The following MMACHC variants were observed in gnomAD, a reference collection of about 807,000 sequenced individuals.
MMACHC encodes the protein metabolism of cobalamin associated C, also known as cyanocobalamin reductase / alkylcobalamin dealkylase.
Under a neutral mutation model 17.6 loss-of-function variants are expected in MMACHC, and 14 were observed. The ratio of observed to expected loss-of-function variants is 0.80; its 90% CI spans 0.53 to 1.25. MMACHC has a LOEUF of 1.25. MMACHC is among the 50% of genes most tolerant of loss of function. The pLI is 0.00. For missense variants in MMACHC, 392 were observed against 364.5 expected, an observed-to-expected ratio of 1.08 and a Z score of -0.62; for synonymous variants, 151 against 142.1, an observed-to-expected ratio of 1.06 and a Z score of -0.45.
chr1:45,511,124 C>G lies in MMACHC; in HGVS notation c.*1909C>G. The stretch of plus-strand genomic sequence containing the variant: ...ACTAATACATCATACAAACCAGTAG[C>G]CTGCCCACAACGCCAACTCAGGCCA... On this transcript the variant is annotated 3_prime_UTR_variant, in exon 4 of 4. Coordinates refer to ENST00000401061, the MANE Select transcript of MMACHC (RefSeq NM_015506.3). 4.0e-6 allele frequency: 2 copies of G among 501,106 alleles called. No homozygotes were observed. Among genetic ancestry groups the G allele is most frequent in the Non-Finnish European group, 7.1e-6 (2 of 283,128 alleles). 31.0% of individuals were successfully genotyped at this position (501,106 alleles called of 1,614,324 possible). A position where few individuals can be genotyped will look rare whatever the true frequency, so the allele number is the denominator to read the frequency against.
intron 3 of MMACHC, 130 bp downstream of exon 3, chr1:45,508,494 G>C: frequency 8.8e-7 from 1 of 1,135,482 alleles, no homozygotes. Context: ...GTTCTGGATG[G>C]GAGGCAGTCC....
chr1:45,508,326 C>G lies in MMACHC; in HGVS notation c.391C>G (p.Gln131Glu). 6.2e-7 allele frequency: 1 copy of G among 1,614,190 alleles called. No homozygotes were observed. Among genetic ancestry groups the G allele is most frequent in the South Asian group, 1.1e-5 (1 of 91,072 alleles). The change falls in exon 3 of 4, where the codon CAA becomes GAA. Residue 131 changes from glutamine to glutamate, a missense_variant. By Grantham distance (29) the Gln-to-Glu change is conservative. Transcript: ENST00000401061. ...AHVAGAAYYY[Q>E]RQDVEADPWG... ...TGTAGCTGGGGCTGCTTACTACTAC[C>G]AACGACAAGATGTGGAGGCTGACCC...
In MMACHC at chr1:45,512,281, A is replaced by G. The variant is rs144613694; in HGVS notation, c.*3066A>G. On this transcript the variant is annotated 3_prime_UTR_variant, in exon 4 of 4. Coordinates refer to ENST00000401061, the MANE Select transcript of MMACHC (RefSeq NM_015506.3). ...TTGAGACAGTCTCACATTGTCGCCC[A>G]GGCTGGAGTGCAGTGGCGCGATCTC... 4.6e-4 allele frequency: 69 copies of G among 151,058 alleles called. 1 individual carries two copies. The East Asian group carries it at 0.013, about 29-fold the overall frequency. The allele number at this position is 151,058 out of a possible 1,614,324, so 9.4% of individuals were successfully genotyped here.
In MMACHC at chr1:45,508,867, A is replaced by C. The variant is rs1366306237; in HGVS notation, c.501A>C (p.Pro167=). The C allele has an allele frequency of 4.3e-6, 7 of 1,614,048 alleles. No individual in the cohort carries two copies. The African/African-American group carries it at 8.0e-5, about 18-fold the overall frequency. ...WFAIRGVVLL[P]GIEVPDLPPR... ...CCATCCGAGGGGTAGTGCTGCTGCC[A>C]GGGATAGAGGTGCCAGATCTGCCAC... The change falls in exon 4 of 4, where the codon CCA becomes CCC. Residue 167 remains proline, a synonymous_variant. Transcript: ENST00000401061.
rs1643704940 is a variant in MMACHC, at chr1:45,509,784, C to T, written c.*569C>T. On this transcript the variant is annotated 3_prime_UTR_variant, in exon 4 of 4. Transcript: ENST00000401061. ...ACAGGGCCTAAGGGGCAAATATCCT[C>T]TAAAGAGTACCTACCAGCAGGGTGT... The T allele has an allele frequency of 6.6e-6, 1 of 152,596 alleles. No homozygotes were observed. The highest frequency in any genetic ancestry group is 1.5e-5 in the Non-Finnish European group (1 of 68,668). 9.5% of individuals were successfully genotyped at this position (152,596 alleles called of 1,614,324 possible). A position where few individuals can be genotyped will look rare whatever the true frequency, so the allele number is the denominator to read the frequency against.
In MMACHC at chr1:45,507,375, TCTTGCCTC is replaced by T; in HGVS notation, c.103_110del (p.Leu35SerfsTer23). On this transcript the variant is annotated frameshift_variant, in exon 2 of 4. Transcript: ENST00000401061. LOFTEE classifies it high-confidence loss of function. ...TTTCAGGTGGCATGGTACAATGAAC[TCTTGCCTC>T]CAGCCTTCCACCTACCGCTGCCAGG... 6.2e-7 allele frequency: 1 copy of T among 1,614,122 alleles called. No individual in the cohort carries two copies.
At chr1:45,503,291 G>A (rs962838829) in intron 1 of MMACHC, among the ~76,000 whole-genome samples, 9 of 152,028 alleles carry the variant, frequency 5.9e-5, no homozygotes, top group Non-Finnish European at 8.8e-5. Context: ...CCGGCTACTC[G>A]GGAGGCTGAA....
chr1:45,511,712 G>A lies in MMACHC; in HGVS notation c.*2497G>A, dbSNP rs1240875641. 2 of 233,036 alleles carry A rather than the reference G, an allele frequency of 8.6e-6. No homozygotes were observed. The highest frequency in any genetic ancestry group is 1.7e-5 in the Non-Finnish European group (2 of 121,066). The allele number at this position is 233,036 out of a possible 1,614,324, so 14.4% of individuals were successfully genotyped here. A position where few individuals can be genotyped will look rare whatever the true frequency, so the allele number is the denominator to read the frequency against. ...GCCAACACTCTCTAATCCTTAAGGG[G>A]AAAAAAAAGCTAAATAAACGACACA... On this transcript the variant is annotated 3_prime_UTR_variant, in exon 4 of 4. Transcript: ENST00000401061.
Position 45,511,698 on chromosome 1 carries a change from C to A in MMACHC, c.*2483C>A. 1 of 274,764 alleles carries A rather than the reference C, an allele frequency of 3.6e-6. No homozygotes were observed. Among genetic ancestry groups the A allele is most frequent in the Non-Finnish European group, 6.8e-6 (1 of 147,306 alleles). 17.0% of individuals were successfully genotyped at this position (274,764 alleles called of 1,614,324 possible). A position where few individuals can be genotyped will look rare whatever the true frequency, so the allele number is the denominator to read the frequency against. ...AGTTTAAATAATTTGCCAACACTCT[C>A]TAATCCTTAAGGGGAAAAAAAAGCT... On this transcript the variant is annotated 3_prime_UTR_variant, in exon 4 of 4. Transcript: ENST00000401061.
In MMACHC at chr1:45,509,663, T is replaced by C. The variant is rs1479146044; in HGVS notation, c.*448T>C. On this transcript the variant is annotated 3_prime_UTR_variant, in exon 4 of 4. Transcript: ENST00000401061. ...TCCTGACCTCGTGATCCACCCATCT[T>C]GGCCTCCCAAAGTCCTGGGATTACA... 6 of 164,942 alleles carry C rather than the reference T, an allele frequency of 3.6e-5. No individual in the cohort carries two copies. The highest frequency in any genetic ancestry group is 7.8e-5 in the Non-Finnish European group (6 of 76,662). The allele number at this position is 164,942 out of a possible 1,614,324, so 10.2% of individuals were successfully genotyped here. A position where few individuals can be genotyped will look rare whatever the true frequency, so the allele number is the denominator to read the frequency against.
intron 1 of MMACHC, among the ~76,000 whole-genome samples, chr1:45,504,625 TGAG>T (rs1643589622): frequency 6.6e-6 from 1 of 151,952 alleles, no homozygotes; most frequent in Non-Finnish European, 1.5e-5. Flanking sequence ...CTCGGGAAGC[TGAG>T]GAGGGATGAT....
Position 45,509,142 on chromosome 1 carries a change from A to G in MMACHC, c.776A>G (p.Lys259Arg). ...DLPFTTPAPK[K>R]PGNPSRARSW... ...CCCTTTACCACACCCGCCCCCAAGA[A>G]GCCTGGGAATCCCAGCAGAGCCCGG... The change falls in exon 4 of 4, where the codon AAG becomes AGG. Residue 259 changes from lysine to arginine, a missense_variant. Physicochemically the swap from Lys to Arg is conservative, Grantham distance 26. Coordinates refer to ENST00000401061, the MANE Select transcript of MMACHC (RefSeq NM_015506.3). The G allele has an allele frequency of 6.2e-7, 1 of 1,613,172 alleles. No individual in the cohort carries two copies. Among genetic ancestry groups the G allele is most frequent in the Non-Finnish European group, 8.5e-7 (1 of 1,179,696 alleles).
rs944633221 is a variant in MMACHC at position 45,511,186 on chromosome 1, C to A, written c.*1971C>A. The stretch of plus-strand genomic sequence containing the variant: ...GGAAGAAAGGCTGGTCTCTCCACCC[C>A]CTGTAGGAAAGGCCTGCCTTGTAAG... On this transcript the variant is annotated 3_prime_UTR_variant, in exon 4 of 4. Coordinates refer to ENST00000401061, the MANE Select transcript of MMACHC (RefSeq NM_015506.3). The A allele has an allele frequency of 1.3e-5, 9 of 693,912 alleles. No individual in the cohort carries two copies. Among genetic ancestry groups the A allele is most frequent in the Admixed American group, 5.2e-5 (2 of 38,448 alleles). 43.0% of individuals were successfully genotyped at this position (693,912 alleles called of 1,614,324 possible). A position where few individuals can be genotyped will look rare whatever the true frequency, so the allele number is the denominator to read the frequency against.
Position 45,511,236 on chromosome 1 carries a change from A to C in MMACHC, c.*2021A>C. The C allele has an allele frequency of 9.4e-7, 1 of 1,067,176 alleles. No homozygotes were observed. The highest frequency in any genetic ancestry group is 1.4e-6 in the Non-Finnish European group (1 of 732,108). 66.1% of individuals were successfully genotyped at this position (1,067,176 alleles called of 1,614,324 possible). ...GACACCACAATTCGGCTGAATCTGA[A>C]GTCTTGTGTTTTACTAATGGAAAAA... On this transcript the variant is annotated 3_prime_UTR_variant, in exon 4 of 4. Coordinates refer to ENST00000401061, the MANE Select transcript of MMACHC (RefSeq NM_015506.3).
Position 45,511,452 on chromosome 1 carries a change from A to C in MMACHC, c.*2237A>C, listed in dbSNP as rs773972886. 3.0e-5 allele frequency: 47 copies of C among 1,544,394 alleles called. No homozygotes were observed. The highest frequency in any genetic ancestry group is 3.9e-5 in the Non-Finnish European group (44 of 1,121,200). ...GGCACCACTAATTAATAACCTTCTCAATGGTATGCACCACCATTCTCCTAT... is the reference window on the plus strand; with the variant it reads ...GGCACCACTAATTAATAACCTTCTCCATGGTATGCACCACCATTCTCCTAT... On this transcript the variant is annotated 3_prime_UTR_variant, in exon 4 of 4. Coordinates refer to ENST00000401061, the MANE Select transcript of MMACHC (RefSeq NM_015506.3).
intron 1 of MMACHC, among the ~76,000 whole-genome samples, chr1:45,503,880 A>C (rs1305077798): frequency 6.6e-6 from 1 of 152,204 alleles, no homozygotes; most frequent in African/African-American, 2.4e-5. Context: ...AGAAACCTCC[A>C]CAACTACGTG....
At chr1:45,503,431 C>CTTTTTT (rs10607418) in intron 1 of MMACHC, among the ~76,000 whole-genome samples, 1 of 77,032 alleles carries the variant, frequency 1.3e-5, no homozygotes, top group African/African-American at 5.8e-5. Flanking sequence ...TAACTCTCTG[C>CTTTTTT]TTTTTTTTTT....
chr1:45,507,592 C>A, intron 2 of MMACHC, 42 bp downstream of exon 2: 1 of 1,605,148 alleles, frequency 6.2e-7, no homozygotes, highest in Non-Finnish European at 8.5e-7. Flanking sequence ...AAACCTACAG[C>A]TGCCTCCAGT....
chr1:45,500,436 T>C (rs1032379111), intron 1 of MMACHC, 23 bp downstream of exon 1: 2 of 1,612,038 alleles, frequency 1.2e-6, no homozygotes, highest in Admixed American at 1.7e-5. Flanking sequence ...CTCCTGCTGT[T>C]CTAGGGCGAA....
Sources: allele counts gnomAD v4.1 joint callset (sites outside exome capture counted in the v4.1 genomes callset), GRCh38; gene constraint gnomAD v4.1.1; transcripts MANE v1.5; gene names NCBI Gene and HGNC (gene_info 2026-07-23, HGNC 2026-07-21).